The following B4GALT1 variants were observed in gnomAD, a reference collection of about 807,000 sequenced individuals.
B4GALT1 encodes the protein beta-1,4-galactosyltransferase 1.
In B4GALT1, 16 loss-of-function variants were observed where a neutral mutation model predicts 34.9. The ratio of observed to expected loss-of-function variants is 0.46; its 90% CI spans 0.31 to 0.70. The LOEUF (loss-of-function observed/expected upper bound fraction) is 0.70. Among genes scored for constraint, B4GALT1 ranks in the 30% least tolerant of loss-of-function variants. The pLI, the probability that B4GALT1 is intolerant of heterozygous loss-of-function variation, is 0.05. For synonymous variants in B4GALT1, 221 were observed against 218.1 expected, an observed-to-expected ratio of 1.01 and a Z score of -0.12; for missense variants, 445 against 530.5, an observed-to-expected ratio of 0.84 and a Z score of 1.58.
intron 1 of B4GALT1, among the ~76,000 whole-genome samples, chr9:33,157,161 G>T (rs1223506518): frequency 1.7e-5 from 1 of 60,394 alleles, no homozygotes; most frequent in African/African-American, 7.7e-5. Flanking sequence ...CACACACACT[G>T]GCTGGAAGTG....
At chr9:33,137,644 TC>T (rs2118170845) in intron 1 of B4GALT1, among the ~76,000 whole-genome samples, 1 of 116,062 alleles carries the variant, frequency 8.6e-6, no homozygotes, top group Admixed American at 1.0e-4. Context: ...CTCGGGCCCT[TC>T]CCTTAGAGAG....
At chr9:33,110,526 T>C (rs150983789), downstream of B4GALT1, 2,009 of 152,318 alleles carry the variant, frequency 0.013, 25 homozygotes, top group Middle Eastern at 0.024. Flanking sequence ...GGGAAATGTC[T>C]GATTCCAGGG....
intron 1 of B4GALT1, among the ~76,000 whole-genome samples, chr9:33,146,553 C>T (rs1046928874): frequency 3.3e-5 from 5 of 152,230 alleles, no homozygotes; most frequent in African/African-American, 9.6e-5. Context: ...CTTACCACTA[C>T]TCCCTCCAGG....
At position 33,111,938 on chromosome 9, in the gene B4GALT1, A is replaced by T. The variant is rs542096432; in HGVS notation, c.*1516T>A. 5.9e-5 allele frequency: 9 copies of T among 152,672 alleles called. No homozygotes were observed. Among genetic ancestry groups the T allele is most frequent in the African/African-American group, 1.7e-4 (7 of 41,528 alleles). The allele number at this position is 152,672 out of a possible 1,614,324, so 9.5% of individuals were successfully genotyped here. A position where few individuals can be genotyped will look rare whatever the true frequency, so the allele number is the denominator to read the frequency against. On this transcript the variant is annotated 3_prime_UTR_variant, in exon 6 of 6. Coordinates refer to ENST00000379731, the MANE Select transcript of B4GALT1 (RefSeq NM_001497.4). ...TTAGGCACCGAAGTTCTTGGGAGGG[A>T]GTTGGGGTGTGGGTTCGGCTGAACT... is the stretch of plus-strand genomic sequence containing the variant.
At chr9:33,125,131 T>C (rs1165313350) in intron 2 of B4GALT1, among the ~76,000 whole-genome samples, 2 of 151,964 alleles carry the variant, frequency 1.3e-5, no homozygotes, top group Non-Finnish European at 2.9e-5. Context: ...CCCCAAATGA[T>C]TGAGCAGAGA....
At chr9:33,173,996 G>A in the B4GALT1 span, among the ~76,000 whole-genome samples, 1 of 152,092 alleles carries the variant, frequency 6.6e-6, no homozygotes, top group African/African-American at 2.4e-5. Context: ...TTGATGAGTA[G>A]CAATATATTT....
intron 2 of B4GALT1, among the ~76,000 whole-genome samples, chr9:33,123,887 G>C (rs1251601947): frequency 1.3e-5 from 2 of 152,156 alleles, no homozygotes; most frequent in Non-Finnish European, 2.9e-5. Context: ...AACGTGGTGA[G>C]ATGCCCCAGT....
At chr9:33,150,292 G>A (rs1587745601) in intron 1 of B4GALT1, among the ~76,000 whole-genome samples, 8 of 134,692 alleles carry the variant, frequency 5.9e-5, no homozygotes, top group Admixed American at 1.5e-4. Context: ...AGAGAGAGAA[G>A]GAAAAAGTAA....
chr9:33,128,015 T>G (rs1587733956), intron 2 of B4GALT1, among the ~76,000 whole-genome samples: 1 of 152,150 alleles, frequency 6.6e-6, no homozygotes, highest in Non-Finnish European at 1.5e-5. Context: ...CTGGGTTGAT[T>G]TGAGGACATG....
intron 1 of B4GALT1, among the ~76,000 whole-genome samples, chr9:33,159,028 G>GCTACC (rs1840638931): frequency 6.6e-6 from 1 of 152,092 alleles, no homozygotes. Flanking sequence ...AATGTCAGGC[G>GCTACC]CTACCCAACA....
chr9:33,158,460 T>G (rs927792430), intron 1 of B4GALT1, among the ~76,000 whole-genome samples: 15 of 152,318 alleles, frequency 9.8e-5, no homozygotes, highest in African/African-American at 3.6e-4. Context: ...CTTTCTTTTA[T>G]CATCTTCAGC....
intron 1 of B4GALT1, among the ~76,000 whole-genome samples, chr9:33,143,433 T>C (rs1700394476): frequency 1.3e-5 from 2 of 152,256 alleles, no homozygotes; most frequent in South Asian, 2.1e-4. Flanking sequence ...AAAGTCCCAC[T>C]CAACCTTCAA....
chr9:33,144,772 C>T (rs1456279706), intron 1 of B4GALT1, among the ~76,000 whole-genome samples: 1 of 152,154 alleles, frequency 6.6e-6, no homozygotes, highest in Non-Finnish European at 1.5e-5. Flanking sequence ...AGAGATGAGG[C>T]ACCAGTCGAC....
chr9:33,135,889 A>AAG (rs201112848), intron 1 of B4GALT1, among the ~76,000 whole-genome samples: 8,869 of 94,298 alleles, frequency 0.094, 357 homozygotes, highest in Middle Eastern at 0.13. Flanking sequence ...CTAACTGGGG[A>AAG]AGTGTGTGTG....
rs1483178137 is a variant in B4GALT1, at chr9:33,135,339, G to C, written c.498C>G (p.Arg166=). Reference sequence around the variant, plus strand: ...GAGAGACGCAGTCCCTGGGGGCATAGCGGCCGCCCATCTTCACATTTGGGT... The same window carrying C: ...GAGAGACGCAGTCCCTGGGGGCATACCGGCCGCCCATCTTCACATTTGGGT... The part of the protein sequence containing the change: ...KQNPNVKMGG[R]YAPRDCVSPH... Residue 166 remains arginine (R), a synonymous_variant, in exon 2 of 6, where the codon CGC becomes CGG. Transcript: ENST00000379731. 1.9e-6 allele frequency: 3 copies of C among 1,614,206 alleles called. No homozygotes were observed. In the South Asian group the frequency reaches 3.3e-5, roughly 18 times the overall value.
Position 33,120,125 on chromosome 9 carries a change from G to A in B4GALT1, c.836+294C>T, listed in dbSNP as rs534510520. Among the ~76,000 whole-genome samples the A allele has an allele frequency of 6.0e-5, 9 of 151,004 alleles. No homozygotes were observed. The South Asian group carries it at 6.3e-4, about 11-fold the overall frequency. ...CATGAACCCGGGAGGCAGAGGTTGCGGTGAGCCAAGATCACGGCACTGCAC... is the reference window on the plus strand; with the variant it reads ...CATGAACCCGGGAGGCAGAGGTTGCAGTGAGCCAAGATCACGGCACTGCAC... On this transcript the variant is annotated intron_variant, in intron 3 of 5. Transcript: ENST00000379731.
At chr9:33,171,431 A>G (rs1479051650), upstream of B4GALT1, among the ~76,000 whole-genome samples, 1 of 152,246 alleles carries the variant, frequency 6.6e-6, no homozygotes, top group African/African-American at 2.4e-5. Flanking sequence ...GGAGCATTTC[A>G]AAAATACAGA....
chr9:33,104,553 A>G (rs2117963933), exon 3 of B4GALT1: 2 of 345,304 alleles, frequency 5.8e-6, no homozygotes, highest in South Asian at 4.5e-5. Context: ...GAGAACAGGT[A>G]GCCGCTGAAA....
intron 1 of B4GALT1, among the ~76,000 whole-genome samples, chr9:33,146,680 G>C (rs986939110): frequency 3.6e-5 from 5 of 138,774 alleles, no homozygotes; most frequent in African/African-American, 8.1e-5. Context: ...GGAACTAAAT[G>C]CAATTTTCTT....
Sources: gnomAD v4.1 joint callset for allele counts (sites outside exome capture counted in the v4.1 genomes callset) on GRCh38, gnomAD v4.1.1 for gene constraint, MANE v1.5 for transcripts, NCBI Gene and HGNC (gene_info 2026-07-23, HGNC 2026-07-21) for gene names.